GNB1L: variants seen among roughly 807,000 people sequenced by gnomAD.
GNB1L encodes the protein guanine nucleotide-binding protein subunit beta-like protein 1.
In GNB1L, 20 loss-of-function variants were observed where a neutral mutation model predicts 29.1. That is an observed-to-expected ratio of 0.69 (90% CI 0.48 to 1.00). GNB1L has a LOEUF of 1.00. Ranked by LOEUF, GNB1L falls within the 50% of genes least tolerant of loss-of-function variation. The pLI, the probability that GNB1L is intolerant of heterozygous loss-of-function variation, is 0.00. For synonymous variants in GNB1L, 193 were observed against 206.5 expected (o/e 0.93, Z 0.56); for missense variants, 421 against 464.9 (o/e 0.91, Z 0.87).
At chr22:19,852,130 A>G in intron 2 of GNB1L, 1 of 1,614,170 alleles carries the variant, frequency 6.2e-7, no homozygotes. Context: ...CAATCCAGGG[A>G]TCCACAAGGG....
At chr22:19,797,059 C>G (rs1464823440) in intron 7 of GNB1L, among the ~76,000 whole-genome samples, 1 of 152,204 alleles carries the variant, frequency 6.6e-6, no homozygotes, top group African/African-American at 2.4e-5. Flanking sequence ...TTCCCCAAAT[C>G]AGGAAACCTA....
chr22:19,789,116 C>T (rs755355918), intron 7 of GNB1L, among the ~76,000 whole-genome samples, 156 bp from the exon 8 acceptor site: 1 of 152,216 alleles, frequency 6.6e-6, no homozygotes, highest in Non-Finnish European at 1.5e-5. Context: ...TCCCACTCTT[C>T]CTAAGGCCAC....
intron 2 of GNB1L, chr22:19,848,787 G>A (rs1938025500): frequency 3.0e-6 from 3 of 985,472 alleles, no homozygotes; most frequent in Non-Finnish European, 3.6e-6. Flanking sequence ...AGCCCCAATA[G>A]GACAGGGTTC....
intron 7 of GNB1L, 94 bp downstream of exon 7, chr22:19,801,907 G>T: frequency 9.2e-7 from 1 of 1,085,670 alleles, no homozygotes; most frequent in Admixed American, 2.3e-5. Context: ...CCAGGGATCT[G>T]CAACAACTCC....
chr22:19,819,134 C>T (rs912008430), intron 4 of GNB1L, among the ~76,000 whole-genome samples: 2 of 152,242 alleles, frequency 1.3e-5, no homozygotes, highest in African/African-American at 4.8e-5. Flanking sequence ...CAGCACCCAG[C>T]CCCACTGTCC....
At position 19,785,581 on chromosome 22, in the gene GNB1L, C is replaced by T. The variant is rs1451463867; in HGVS notation, c.*3128G>A. ...AGGAAGATGTGGAAGGGCTGCCTCTCCCAGTTGGTGGGTTGGCCAGGGGCG... is the reference window on the plus strand; with the variant it reads ...AGGAAGATGTGGAAGGGCTGCCTCTTCCAGTTGGTGGGTTGGCCAGGGGCG... On this transcript the variant is annotated 3_prime_UTR_variant, in exon 8 of 8. Transcript: ENST00000329517. The surrounding 1 kb of genome is among the most constrained non-coding windows in gnomAD (Gnocchi z 4.1). The T allele has an allele frequency of 6.6e-6, 1 of 152,278 alleles. No individual in the cohort carries two copies. Among genetic ancestry groups the T allele is most frequent in the African/African-American group, 2.4e-5 (1 of 41,466 alleles). The allele number at this position is 152,278 out of a possible 1,614,324, so 9.4% of individuals were successfully genotyped here.
At chr22:19,836,395 G>GAA (rs55792949) in intron 2 of GNB1L, among the ~76,000 whole-genome samples, 29 of 150,910 alleles carry the variant, frequency 1.9e-4, no homozygotes, top group East Asian at 9.7e-4. Context: ...AATCCTTGGG[G>GAA]AAAAAAAAAA....
At chr22:19,797,115 C>G in intron 7 of GNB1L, among the ~76,000 whole-genome samples, 1 of 152,160 alleles carries the variant, frequency 6.6e-6, no homozygotes, top group East Asian at 1.9e-4. Flanking sequence ...AATAACTGCC[C>G]AGTAATGGTG....
intron 7 of GNB1L, 86 bp from the exon 8 acceptor site, chr22:19,789,046 G>A: frequency 7.0e-7 from 1 of 1,422,194 alleles, no homozygotes; most frequent in South Asian, 1.3e-5. Flanking sequence ...GCTGGAACCA[G>A]GAGAGACGCA....
chr22:19,790,502 T>TA (rs1569036872), intron 7 of GNB1L, among the ~76,000 whole-genome samples: 2 of 151,830 alleles, frequency 1.3e-5, no homozygotes, highest in African/African-American at 2.4e-5. Flanking sequence ...CTGCATAAAG[T>TA]AAAAAAAAGA....
At chr22:19,812,257 A>C (rs781737261) in intron 5 of GNB1L, 28 bp downstream of exon 5, 3 of 1,606,612 alleles carry the variant, frequency 1.9e-6, no homozygotes, top group East Asian at 4.5e-5. Context: ...TTTGGAGAAC[A>C]TGGGGCCTCA....
In GNB1L at chr22:19,845,229, C is replaced by T. The variant is rs550728994; in HGVS notation, c.-21+9214G>A. Among the ~76,000 whole-genome samples, 32 of 152,372 alleles carry T rather than the reference C, an allele frequency of 2.1e-4. 1 individual carries two copies. Among genetic ancestry groups the T allele is most frequent in the African/African-American group, 7.7e-4 (32 of 41,586 alleles). On this transcript the variant is annotated intron_variant, in intron 2 of 7. Transcript: ENST00000329517. ...ATGCAGTCAGCTGTGCACATGCTTACATATGCATGCCAGCAATGTGCTTGC... is the reference window on the plus strand; with the variant it reads ...ATGCAGTCAGCTGTGCACATGCTTATATATGCATGCCAGCAATGTGCTTGC...
chr22:19,847,804 C>CAATAAAAAAAAAA (rs1937997455), intron 2 of GNB1L: 1 of 533,108 alleles, frequency 1.9e-6, no homozygotes. Flanking sequence ...GAATCATAGG[C>CAATAAAAAAAAAA]AAAAAAAAAA....
chr22:19,829,072 T>C (rs186390139), intron 2 of GNB1L, among the ~76,000 whole-genome samples: 6 of 152,302 alleles, frequency 3.9e-5, no homozygotes, highest in African/African-American at 1.4e-4. Context: ...CCTCAGGTGA[T>C]CTGCCCATCT....
chr22:19,835,348 G>A (rs1229573613), intron 2 of GNB1L, among the ~76,000 whole-genome samples: 1 of 149,728 alleles, frequency 6.7e-6, no homozygotes, highest in East Asian at 1.9e-4. Flanking sequence ...CCATATCCTG[G>A]GTCATAAAAG....
intron 6 of GNB1L, 121 bp from the exon 7 acceptor site, chr22:19,802,337 C>G (rs1937384547): frequency 1.2e-5 from 9 of 752,290 alleles, no homozygotes. Flanking sequence ...CCCATGTCTT[C>G]CACGTGGCTG....
chr22:19,842,391 G>A (rs1461972513), intron 2 of GNB1L, among the ~76,000 whole-genome samples: 2 of 152,204 alleles, frequency 1.3e-5, no homozygotes, highest in Admixed American at 1.3e-4. Context: ...GGAGTCAGTG[G>A]GGGCAGTCAG....
intron 2 of GNB1L, among the ~76,000 whole-genome samples, chr22:19,837,098 C>T (rs1937777994): frequency 6.6e-6 from 1 of 151,934 alleles, no homozygotes; most frequent in South Asian, 2.1e-4. Flanking sequence ...TCCTGAGTAG[C>T]TGGGACTACA....
chr22:19,814,094 AG>A (rs1370143281), intron 4 of GNB1L, among the ~76,000 whole-genome samples: 1 of 152,244 alleles, frequency 6.6e-6, no homozygotes, highest in Non-Finnish European at 1.5e-5. Flanking sequence ...TTTAGCCCAA[AG>A]AAAGAAGTAA....
Sources: allele counts gnomAD v4.1 joint callset (sites outside exome capture counted in the v4.1 genomes callset), GRCh38; gene constraint gnomAD v4.1.1; non-coding constraint Gnocchi (gnomAD v3.1); transcripts MANE v1.5; gene names NCBI Gene and HGNC (gene_info 2026-07-23, HGNC 2026-07-21).